The following SMYD4 variants were observed in gnomAD, a reference collection of about 807,000 sequenced individuals.
SMYD4 encodes the protein protein-lysine N-methyltransferase SMYD4.
Under a neutral mutation model 72.8 loss-of-function variants are expected in SMYD4, and 68 were observed. The observed-to-expected ratio is 0.93, with a 90% CI of 0.77 to 1.14. SMYD4 has a LOEUF of 1.14. SMYD4 is among the 50% of genes most tolerant of loss of function. The pLI is 0.00. For missense variants in SMYD4, 984 were observed against 1,003.7 expected (o/e 0.98, Z 0.27); for synonymous variants, 407 against 388.6 (o/e 1.05, Z -0.56).
At position 1,799,494 on chromosome 17, in the gene SMYD4, C is replaced by T. The variant is rs191745937; in HGVS notation, c.1537+363G>A. On this transcript the variant is annotated intron_variant, in intron 5 of 10. Transcript: ENST00000305513. ...AGGTGATTCTCCTGTCTTAGCCTCC[C>T]GAGTAGCTGGGACTACAGGCATGTA... Among the ~76,000 whole-genome samples, 112 of 151,478 alleles carry T rather than the reference C, an allele frequency of 7.4e-4. 3 individuals carry two copies. In the South Asian group the frequency reaches 0.022, roughly 30 times the overall value.
intron 2 of SMYD4, among the ~76,000 whole-genome samples, chr17:1,821,018 T>C (rs1910859227): frequency 6.6e-6 from 1 of 152,042 alleles, no homozygotes; most frequent in Non-Finnish European, 1.5e-5. Context: ...GTGAGAGACA[T>C]ACAGAGCAAA....
intron 5 of SMYD4, among the ~76,000 whole-genome samples, chr17:1,796,794 A>C (rs983562015): frequency 5.9e-5 from 9 of 152,200 alleles, no homozygotes; most frequent in African/African-American, 2.2e-4. Context: ...CTGCTATTTA[A>C]TTGGGAAGCC....
intron 5 of SMYD4, among the ~76,000 whole-genome samples, chr17:1,795,754 T>TTTTTTTTTG (rs1909375055): frequency 6.6e-6 from 1 of 151,044 alleles, no homozygotes; most frequent in Non-Finnish European, 1.5e-5. Context: ...TGAGTTTTTT[T>TTTTTTTTTG]TTTTTTTTTT....
intron 5 of SMYD4, 61 bp from the exon 6 acceptor site, chr17:1,787,665 C>G (rs1908779816): frequency 6.7e-7 from 1 of 1,481,932 alleles, no homozygotes; most frequent in Admixed American, 2.3e-5. Context: ...GCCTTGCCCT[C>G]TGTTCCTCAG....
chr17:1,815,162 C>T (rs1458140010), intron 2 of SMYD4, among the ~76,000 whole-genome samples: 1 of 151,722 alleles, frequency 6.6e-6, no homozygotes, highest in Non-Finnish European at 1.5e-5. Context: ...CTTCCGGGTT[C>T]AAGTGATTCT....
At chr17:1,788,769 A>G (rs911239915) in intron 5 of SMYD4, among the ~76,000 whole-genome samples, 1 of 152,168 alleles carries the variant, frequency 6.6e-6, no homozygotes, top group Admixed American at 6.6e-5. Context: ...TGTTCATTTC[A>G]GAAAAGAAAG....
At position 1,812,091 on chromosome 17, in the gene SMYD4, T is replaced by C; in HGVS notation, c.159A>G (p.Lys53=). The change falls in exon 3 of 11, where the codon AAA becomes AAG. Residue 53 remains lysine (K), a synonymous_variant. Coordinates refer to ENST00000305513, the MANE Select transcript of SMYD4 (RefSeq NM_052928.3). The part of the protein sequence containing the change: ...LLQPEDELFL[K]RLSKGYLVGK... Reference sequence around the variant, plus strand: ...CCACCAAGTAACCTTTAGAAAGTCTTTTTAGAAACAGCTCATCCTCAGGTC... The same window carrying C: ...CCACCAAGTAACCTTTAGAAAGTCTCTTTAGAAACAGCTCATCCTCAGGTC... 1 of 1,614,066 alleles carries C rather than the reference T, an allele frequency of 6.2e-7. No individual in the cohort carries two copies.
chr17:1,812,032 T>C lies in SMYD4; in HGVS notation c.218A>G (p.Glu73Gly). ...KDSDAPLFYR[E>G]EGNKKFQEKD... ...CTCCTGAAATTTTTTGTTTCCTTCT[T>C]CTCTGTAGAAAAGAGGAGCGTCCGA... is the stretch of plus-strand genomic sequence containing the variant. The change falls in exon 3 of 11, where the codon GAA becomes GGA. Residue 73 changes from glutamate to glycine, a missense_variant. Coordinates refer to ENST00000305513, the MANE Select transcript of SMYD4 (RefSeq NM_052928.3). 6.2e-7 allele frequency: 1 copy of C among 1,614,090 alleles called. No individual in the cohort carries two copies. The highest frequency in any genetic ancestry group is 8.5e-7 in the Non-Finnish European group (1 of 1,179,974).
Position 1,790,603 on chromosome 17 carries a change from G to A in SMYD4, c.1538-2999C>T, listed in dbSNP as rs562251505. Among the ~76,000 whole-genome samples the A allele has an allele frequency of 5.9e-5, 9 of 152,044 alleles. No homozygotes were observed. The South Asian group carries it at 8.3e-4, about 14-fold the overall frequency. On this transcript the variant is annotated intron_variant, in intron 5 of 10. Transcript: ENST00000305513. ...ATGATCTCATCTCACTGCAACCTCCGCCTCCTGGGTTCAAGCGATTCTCCT... is the reference window on the plus strand; with the variant it reads ...ATGATCTCATCTCACTGCAACCTCCACCTCCTGGGTTCAAGCGATTCTCCT...
At chr17:1,797,493 T>C (rs1909466628) in intron 5 of SMYD4, among the ~76,000 whole-genome samples, 1 of 152,158 alleles carries the variant, frequency 6.6e-6, no homozygotes, top group Admixed American at 6.6e-5. Context: ...GTGTTATCTA[T>C]AGGCTCCAGT....
rs1009030431 is a variant in SMYD4, at chr17:1,783,357, T to C, written c.2137+3A>G. 9 of 1,612,008 alleles carry C rather than the reference T, an allele frequency of 5.6e-6. No homozygotes were observed. Among genetic ancestry groups the C allele is most frequent in the Non-Finnish European group, 7.6e-6 (9 of 1,180,002 alleles). ...ACGCAGAACGTGAAGGCTCATGCTG[T>C]ACCTAAGGCAGCACAGGCCCGGGCC... On this transcript the variant is annotated splice_donor_region_variant and intron_variant, in intron 9 of 10. Coordinates refer to ENST00000305513, the MANE Select transcript of SMYD4 (RefSeq NM_052928.3).
At position 1,788,982 on chromosome 17, in the gene SMYD4, G is replaced by A. The variant is rs148120404; in HGVS notation, c.1538-1378C>T. On this transcript the variant is annotated intron_variant, in intron 5 of 10. Coordinates refer to ENST00000305513, the MANE Select transcript of SMYD4 (RefSeq NM_052928.3). The stretch of plus-strand genomic sequence containing the variant: ...AATTGTGTTTCTAACAAAACAGGTT[G>A]GAAGATAAAAAATACCAGTATTTAA... Among the ~76,000 whole-genome samples, 664 of 152,178 alleles carry A rather than the reference G, an allele frequency of 4.4e-3. 3 individuals are homozygous for A. The highest frequency in any genetic ancestry group is 0.015 in the African/African-American group (608 of 41,500).
intron 5 of SMYD4, among the ~76,000 whole-genome samples, chr17:1,790,661 C>T (rs909481405): frequency 6.6e-6 from 1 of 151,840 alleles, no homozygotes; most frequent in East Asian, 2.0e-4. Context: ...GGATTACAGG[C>T]GCCCATCACC....
intron 10 of SMYD4, 60 bp from the exon 11 acceptor site, chr17:1,781,499 G>A: frequency 1.9e-6 from 3 of 1,569,914 alleles, no homozygotes; most frequent in Middle Eastern, 1.7e-4. Context: ...TGTTAATTGA[G>A]GGCCTACTCA....
chr17:1,804,042 A>AT (rs1285395082), intron 4 of SMYD4, among the ~76,000 whole-genome samples: 1 of 150,248 alleles, frequency 6.7e-6, no homozygotes. Context: ...TGCCCAGCTC[A>AT]TTTTTTGTAT....
chr17:1,793,797 A>T (rs1452937769), intron 5 of SMYD4, among the ~76,000 whole-genome samples: 3 of 150,712 alleles, frequency 2.0e-5, no homozygotes, highest in Non-Finnish European at 4.4e-5. Context: ...ACAGAGGTTC[A>T]GGAGATTAGG....
intron 1 of SMYD4, among the ~76,000 whole-genome samples, chr17:1,828,769 GTAT>G (rs1911347563): frequency 6.6e-6 from 1 of 151,906 alleles, no homozygotes; most frequent in Admixed American, 6.6e-5. Flanking sequence ...GCTAATTTTT[GTAT>G]TTTTAGTAGA....
intron 2 of SMYD4, among the ~76,000 whole-genome samples, chr17:1,827,078 A>G (rs1247709958): frequency 1.3e-5 from 2 of 152,078 alleles, no homozygotes; most frequent in Non-Finnish European, 2.9e-5. Flanking sequence ...GCTTGAACCC[A>G]GGAGGTGGAG....
chr17:1,807,419 C>CG (rs889317683), intron 3 of SMYD4, among the ~76,000 whole-genome samples: 1 of 102,866 alleles, frequency 9.7e-6, no homozygotes, highest in African/African-American at 3.5e-5. Flanking sequence ...CCGCGTACCG[C>CG]CCCCCCCGGC....
Sources: gnomAD v4.1 joint callset for allele counts (sites outside exome capture counted in the v4.1 genomes callset) on GRCh38, gnomAD v4.1.1 for gene constraint, MANE v1.5 for transcripts, NCBI Gene and HGNC (gene_info 2026-07-23, HGNC 2026-07-21) for gene names.